PRKDC: variants seen among roughly 807,000 people sequenced by gnomAD.
PRKDC encodes the protein DNA-dependent protein kinase catalytic subunit.
In PRKDC, 82 loss-of-function variants were observed where a neutral mutation model predicts 486.9. The ratio of observed to expected loss-of-function variants is 0.17; its 90% CI spans 0.14 to 0.20. The LOEUF (loss-of-function observed/expected upper bound fraction) is 0.20, where lower values mean the gene tolerates loss of function less well. Ranked by LOEUF, PRKDC falls within the 10% of genes least tolerant of loss-of-function variation. The pLI is 1.00. For synonymous variants in PRKDC, 1,895 were observed against 1,837.0 expected, an observed-to-expected ratio of 1.03 and a Z score of -0.81; for missense variants, 4,504 against 5,038.2, an observed-to-expected ratio of 0.89 and a Z score of 3.21.
At chr8:47,840,824 G>C (rs913196038) in intron 54 of PRKDC, among the ~76,000 whole-genome samples, 1 of 152,172 alleles carries the variant, frequency 6.6e-6, no homozygotes, top group South Asian at 2.1e-4. Flanking sequence ...TTTTGTTACT[G>C]ACACAATGCA....
chr8:47,817,615 T>A (rs1192482875), intron 67 of PRKDC, 54 bp from the exon 68 acceptor site: 1 of 1,141,144 alleles, frequency 8.8e-7, no homozygotes, highest in Non-Finnish European at 1.3e-6. Flanking sequence ...TAAGATCAAA[T>A]GACAAAGGTC....
chr8:47,809,601 T>A (rs2087287875), intron 68 of PRKDC, among the ~76,000 whole-genome samples: 2 of 151,842 alleles, frequency 1.3e-5, no homozygotes, highest in African/African-American at 2.4e-5. Flanking sequence ...CAGAGAAGAG[T>A]TACACTGCGT....
intron 54 of PRKDC, among the ~76,000 whole-genome samples, chr8:47,840,563 C>T (rs1165170228): frequency 2.6e-5 from 4 of 152,166 alleles, no homozygotes; most frequent in Non-Finnish European, 5.9e-5. Context: ...TGTGTACTAT[C>T]TTTCAACTTT....
intron 40 of PRKDC, among the ~76,000 whole-genome samples, chr8:47,867,986 G>A (rs1265997693): frequency 7.2e-5 from 11 of 152,106 alleles, no homozygotes; most frequent in African/African-American, 2.7e-4. Context: ...TGGTATCTAA[G>A]ACTAACTGAT....
chr8:47,886,634 C>T (rs916803250), intron 35 of PRKDC, among the ~76,000 whole-genome samples: 1 of 152,022 alleles, frequency 6.6e-6, no homozygotes, highest in African/African-American at 2.4e-5. Context: ...TCAAGCAATT[C>T]ACCCGCCTTG....
chr8:47,870,122 G>C (rs2088915824), intron 40 of PRKDC, among the ~76,000 whole-genome samples: 1 of 152,128 alleles, frequency 6.6e-6, no homozygotes, highest in Non-Finnish European at 1.5e-5. Context: ...TGTCTTGAAG[G>C]AAAGAACACA....
In PRKDC at chr8:47,858,013, G is replaced by A. The variant is rs1319830426; in HGVS notation, c.6465+503C>T. Among the ~76,000 whole-genome samples, 4 of 152,262 alleles carry A rather than the reference G, an allele frequency of 2.6e-5. No individual in the cohort carries two copies. In the East Asian group the frequency reaches 5.8e-4, roughly 22 times the overall value. On this transcript the variant is annotated intron_variant, in intron 48 of 85. Coordinates refer to ENST00000314191, the MANE Select transcript of PRKDC (RefSeq NM_006904.7). ...TGCTTGGCTCACCCAGGGACCACCC[G>A]TGCTATGCTACTCCTTCCCTGCCTA...
At chr8:47,788,515 G>A (rs935727745) in intron 76 of PRKDC, among the ~76,000 whole-genome samples, 1 of 152,118 alleles carries the variant, frequency 6.6e-6, no homozygotes, top group Non-Finnish European at 1.5e-5. Context: ...TGTATCTCCT[G>A]AGCACCCAGA....
chr8:47,888,732 T>C (rs2089390679), intron 33 of PRKDC, 82 bp from the exon 34 acceptor site: 1 of 1,445,260 alleles, frequency 6.9e-7, no homozygotes, highest in Non-Finnish European at 9.1e-7. Flanking sequence ...ATGTTTGCAC[T>C]GTTATGAAGC....
At chr8:47,867,723 A>C (rs1220925057) in intron 40 of PRKDC, among the ~76,000 whole-genome samples, 1 of 152,234 alleles carries the variant, frequency 6.6e-6, no homozygotes, top group African/African-American at 2.4e-5. Flanking sequence ...CAGAAAAAAG[A>C]ATAAGAAAAA....
At chr8:47,783,628 GATAT>G in intron 78 of PRKDC, 110 bp downstream of exon 78, 1 of 989,098 alleles carries the variant, frequency 1.0e-6, no homozygotes, top group African/African-American at 1.6e-5. Context: ...TGCTAAACTT[GATAT>G]ATCTGTGATC....
In PRKDC at chr8:47,808,961, C is replaced by T. The variant is rs1322090760; in HGVS notation, c.9558-1635G>A. ...ATCGCCTGAGCTCAGGAATTTGAGG[C>T]TGCAGTGAGCTATGACTGCACCACT... On this transcript the variant is annotated intron_variant, in intron 68 of 85. Transcript: ENST00000314191. 2.0e-5 allele frequency among the ~76,000 whole-genome samples: 3 copies of T among 151,952 alleles called. No homozygotes were observed. The East Asian group carries it at 5.8e-4, about 29-fold the overall frequency.
At chr8:47,826,021 A>G (rs1384421649) in intron 63 of PRKDC, among the ~76,000 whole-genome samples, 1 of 152,246 alleles carries the variant, frequency 6.6e-6, no homozygotes, top group Non-Finnish European at 1.5e-5. Flanking sequence ...ACAAAACAGC[A>G]CGAAGCACAA....
intron 25 of PRKDC, 110 bp from the exon 26 acceptor site, chr8:47,905,086 A>G (rs2089753413): frequency 2.7e-6 from 2 of 738,256 alleles, no homozygotes; most frequent in East Asian, 2.7e-5. Flanking sequence ...TAATACTACT[A>G]CCATGGTTGT....
At chr8:47,855,577 T>C (rs1346779782) in intron 49 of PRKDC, among the ~76,000 whole-genome samples, 1 of 152,094 alleles carries the variant, frequency 6.6e-6, no homozygotes, top group Non-Finnish European at 1.5e-5. Flanking sequence ...AATCTCAGAG[T>C]TGCCGTCCAG....
chr8:47,878,103 GT>G lies in PRKDC; in HGVS notation c.5236-253del, dbSNP rs1279419423. 2.1e-3 allele frequency among the ~76,000 whole-genome samples: 261 copies of G among 126,586 alleles called. 1 individual carries two copies. Among genetic ancestry groups the G allele is most frequent in the South Asian group, 0.014 (55 of 3,832 alleles). 83.0% of individuals were successfully genotyped at this position (126,586 alleles called of 152,430 possible). On this transcript the variant is annotated intron_variant, in intron 39 of 85. Coordinates refer to ENST00000314191, the MANE Select transcript of PRKDC (RefSeq NM_006904.7). ...AGATTCTTTCTAGGTTTTTTTTTAG[GT>G]TTTTTTTTTTTTTTTTTGGAGACAC...
chr8:47,880,410 G>A (rs905854549), intron 38 of PRKDC, among the ~76,000 whole-genome samples: 15 of 152,116 alleles, frequency 9.9e-5, no homozygotes, highest in Non-Finnish European at 2.1e-4. Context: ...GTTCTCCCTC[G>A]CATGGCAGAA....
At position 47,946,130 on chromosome 8, in the gene PRKDC, G is replaced by A. The variant is rs183020154; in HGVS notation, c.722-2101C>T. Among the ~76,000 whole-genome samples the A allele has an allele frequency of 5.4e-3, 815 of 152,146 alleles. 13 individuals are homozygous for A. The highest frequency in any genetic ancestry group is 0.019 in the African/African-American group (787 of 41,550). ...AGATCACCTGAGGTCAGGAGTTTGA[G>A]ACCAGCCTGGCCAACACAGTGAAAC... is the stretch of plus-strand genomic sequence containing the variant. On this transcript the variant is annotated intron_variant, in intron 7 of 85. Transcript: ENST00000314191.
At chr8:47,821,824 C>T (rs1371434828) in intron 64 of PRKDC, 32 bp from the exon 65 acceptor site, 1 of 1,493,486 alleles carries the variant, frequency 6.7e-7, no homozygotes, top group Admixed American at 2.9e-5. Flanking sequence ...AATTATTTTA[C>T]AAAGTTGGAA....
Sources: gnomAD v4.1 joint callset for allele counts (sites outside exome capture counted in the v4.1 genomes callset) on GRCh38, gnomAD v4.1.1 for gene constraint, MANE v1.5 for transcripts, NCBI Gene and HGNC (gene_info 2026-07-23, HGNC 2026-07-21) for gene names.